The following RTKN2 variants were observed in gnomAD, a reference collection of about 807,000 sequenced individuals.
RTKN2 encodes the protein rhotekin-2.
RTKN2 carries 69 observed loss-of-function variants against 71.5 expected under a neutral mutation model. The observed-to-expected ratio is 0.96, with a 90% CI of 0.79 to 1.18. RTKN2 has a LOEUF of 1.18. RTKN2 is among the 50% of genes most tolerant of loss of function. The pLI is 0.00. For missense variants in RTKN2, 724 were observed against 719.7 expected, an observed-to-expected ratio of 1.01 and a Z score of -0.07; for synonymous variants, 236 against 236.5, an observed-to-expected ratio of 1.00 and a Z score of 0.02.
At chr10:62,192,467 G>A (rs530335772), downstream of RTKN2, among the ~76,000 whole-genome samples, 1 of 152,206 alleles carries the variant, frequency 6.6e-6, no homozygotes, top group African/African-American at 2.4e-5. Flanking sequence ...CCATGAAGAC[G>A]ATGAGATATC....
intron 6 of RTKN2, among the ~76,000 whole-genome samples, chr10:62,226,430 T>C (rs1214219517): frequency 1.3e-5 from 2 of 152,244 alleles, no homozygotes; most frequent in East Asian, 3.8e-4. Flanking sequence ...TTTTACTATA[T>C]AGTCATTACA....
chr10:62,191,473 A>T (rs1056861641), downstream of RTKN2, among the ~76,000 whole-genome samples: 1 of 152,186 alleles, frequency 6.6e-6, no homozygotes, highest in South Asian at 2.1e-4. Context: ...GATCTTTCAC[A>T]GCACTTAAAA....
Position 62,267,343 on chromosome 10 carries a change from C to T in RTKN2, c.60+1208G>A, listed in dbSNP as rs139804574. Among the ~76,000 whole-genome samples, 447 of 152,238 alleles carry T rather than the reference C, an allele frequency of 2.9e-3. 1 individual carries two copies. Among genetic ancestry groups the T allele is most frequent in the African/African-American group, 0.01 (420 of 41,524 alleles). ...TTCTGTACCATTCCTATTCTTGCAG[C>T]CTGCAGCTCAATAAATACACCTGGA... On this transcript the variant is annotated intron_variant, in intron 1 of 11. Coordinates refer to ENST00000373789, the MANE Select transcript of RTKN2 (RefSeq NM_145307.4).
At chr10:62,207,639 C>T (rs962363125) in intron 9 of RTKN2, among the ~76,000 whole-genome samples, 3 of 152,058 alleles carry the variant, frequency 2.0e-5, no homozygotes, top group African/African-American at 7.2e-5. Flanking sequence ...TAAGTGACTC[C>T]TCTTAGGGTA....
intron 2 of RTKN2, among the ~76,000 whole-genome samples, chr10:62,249,040 G>C (rs1842528408): frequency 6.6e-6 from 1 of 152,052 alleles, no homozygotes. Context: ...AAAATTTATA[G>C]CTTCATAAAT....
chr10:62,266,888 A>G (rs1314288781), intron 1 of RTKN2, among the ~76,000 whole-genome samples: 1 of 152,224 alleles, frequency 6.6e-6, no homozygotes, highest in African/African-American at 2.4e-5. Context: ...CAACAAGAAG[A>G]GTTTGGTTTG....
chr10:62,216,700 G>T lies in RTKN2; in HGVS notation c.1020+418C>A, dbSNP rs182963145. Reference sequence around the variant, plus strand: ...TGTTCTGTCAGAAGACTGGACAATTGCCTATCAATCCCATAAGAAATCAGA... The same window carrying T: ...TGTTCTGTCAGAAGACTGGACAATTTCCTATCAATCCCATAAGAAATCAGA... On this transcript the variant is annotated intron_variant, in intron 9 of 11. Coordinates refer to ENST00000373789, the MANE Select transcript of RTKN2 (RefSeq NM_145307.4). 9.5e-3 allele frequency among the ~76,000 whole-genome samples: 1,451 copies of T among 152,140 alleles called. 6 individuals are homozygous for T. Among genetic ancestry groups the T allele is most frequent in the Non-Finnish European group, 0.014 (929 of 67,918 alleles).
At chr10:62,252,337 T>G (rs182429656) in intron 2 of RTKN2, among the ~76,000 whole-genome samples, 2 of 152,100 alleles carry the variant, frequency 1.3e-5, no homozygotes. Flanking sequence ...GCTAAGGAAT[T>G]TATAACTAGC....
rs1260756145 is a variant in RTKN2 at position 62,193,092 on chromosome 10, T to G, written c.*4816A>C. 5.3e-5 allele frequency: 22 copies of G among 417,998 alleles called. No individual in the cohort carries two copies. The highest frequency in any genetic ancestry group is 7.1e-5 in the Non-Finnish European group (22 of 311,642). 25.9% of individuals were successfully genotyped at this position (417,998 alleles called of 1,614,324 possible). On this transcript the variant is annotated 3_prime_UTR_variant, in exon 12 of 12. Coordinates refer to ENST00000373789, the MANE Select transcript of RTKN2 (RefSeq NM_145307.4). The stretch of plus-strand genomic sequence containing the variant: ...ATAAAATTGCTACAACTAATTCAGT[T>G]AAATGTTTATTAAGATTAAGTTCTA...
In RTKN2 at chr10:62,235,796, T is replaced by A. The variant is rs73287438; in HGVS notation, c.686+270A>T. Among the ~76,000 whole-genome samples the A allele has an allele frequency of 1.5e-4, 23 of 152,058 alleles. No individual in the cohort carries two copies. The South Asian group carries it at 4.8e-3, about 31-fold the overall frequency. ...ATTCCAAAATCTGAAAAAGTCCAAA[T>A]CTAAAACACTTCTGGTCTGAAGGCT... On this transcript the variant is annotated intron_variant, in intron 6 of 11. Coordinates refer to ENST00000373789, the MANE Select transcript of RTKN2 (RefSeq NM_145307.4).
chr10:62,243,401 C>T (rs1204774217), intron 3 of RTKN2, among the ~76,000 whole-genome samples: 1 of 151,800 alleles, frequency 6.6e-6, no homozygotes, highest in South Asian at 2.1e-4. Context: ...CTTGCTTGAC[C>T]ACAGCTGCTG....
chr10:62,262,296 T>C (rs1317341288), intron 2 of RTKN2, among the ~76,000 whole-genome samples: 2 of 152,244 alleles, frequency 1.3e-5, no homozygotes, highest in Non-Finnish European at 1.5e-5. Context: ...AGTACCTTTA[T>C]ATTAGCATAT....
chr10:62,201,193 CTTGA>C, intron 10 of RTKN2, among the ~76,000 whole-genome samples: 1 of 152,138 alleles, frequency 6.6e-6, no homozygotes, highest in East Asian at 1.9e-4. Flanking sequence ...TCATACCCAA[CTTGA>C]TTATTTTCTG....
chr10:62,217,373 C>T, intron 8 of RTKN2, 124 bp from the exon 9 acceptor site: 1 of 686,832 alleles, frequency 1.5e-6, no homozygotes, highest in African/African-American at 1.9e-5. Context: ...ATGGAATTAT[C>T]CATTAATTTG....
intron 6 of RTKN2, among the ~76,000 whole-genome samples, chr10:62,225,742 T>C (rs1177415976): frequency 1.3e-5 from 2 of 152,064 alleles, no homozygotes; most frequent in African/African-American, 4.8e-5. Context: ...TTCGTGGTGA[T>C]AAAAAGTGAA....
chr10:62,244,163 T>G (rs1842434279), intron 3 of RTKN2, among the ~76,000 whole-genome samples: 1 of 152,240 alleles, frequency 6.6e-6, no homozygotes, highest in African/African-American at 2.4e-5. Context: ...GGTCACATTT[T>G]CATCCCAATA....
intron 2 of RTKN2, among the ~76,000 whole-genome samples, chr10:62,253,199 T>C (rs75979500): frequency 0.015 from 2,305 of 152,188 alleles, 54 homozygotes; most frequent in African/African-American, 0.052. Context: ...AAACAGAGGA[T>C]GTGATTTTGT....
intron 11 of RTKN2, 55 bp from the exon 12 acceptor site, chr10:62,198,498 TTATC>T (rs1841378253): frequency 8.0e-7 from 1 of 1,247,198 alleles, no homozygotes; most frequent in African/African-American, 1.5e-5. Context: ...AGTATGTACT[TTATC>T]TAAATAAGTT....
chr10:62,235,582 A>G (rs896557989), intron 6 of RTKN2, among the ~76,000 whole-genome samples: 2 of 152,096 alleles, frequency 1.3e-5, no homozygotes, highest in African/African-American at 4.8e-5. Flanking sequence ...TGATGTTTGA[A>G]GTCAAAACTC....
Sources: allele counts gnomAD v4.1 joint callset (sites outside exome capture counted in the v4.1 genomes callset), GRCh38; gene constraint gnomAD v4.1.1; transcripts MANE v1.5; gene names NCBI Gene and HGNC (gene_info 2026-07-23, HGNC 2026-07-21).